LHX8: variants seen among roughly 807,000 people sequenced by gnomAD.
LHX8 encodes LIM homeobox 8.
LHX8 carries 12 observed loss-of-function variants against 40.3 expected under a neutral mutation model. The observed-to-expected ratio is 0.30, with a 90% CI of 0.19 to 0.48. The LOEUF is 0.48. Among genes scored for constraint, LHX8 ranks in the 20% least tolerant of loss-of-function variants. The probability of loss-of-function intolerance (pLI) is 0.99; values close to 1 mark genes in which losing one functional copy is unlikely to be tolerated. For missense variants in LHX8, 344 were observed against 433.7 expected (o/e 0.79, Z 1.84); for synonymous variants, 179 against 162.0 (o/e 1.10, Z -0.80).
downstream of LHX8, among the ~76,000 whole-genome samples, chr1:75,162,593 C>A (rs1426592080): frequency 2.6e-5 from 4 of 151,926 alleles, no homozygotes; most frequent in African/African-American, 7.3e-5. Context: ...AAAAATATAT[C>A]ACCACCCTTT....
chr1:75,195,780 C>G, the LHX8 span, among the ~76,000 whole-genome samples: 1 of 152,128 alleles, frequency 6.6e-6, no homozygotes, highest in Non-Finnish European at 1.5e-5. Flanking sequence ...CCCTTTCTCT[C>G]TCCCTCCATC....
the LHX8 span, among the ~76,000 whole-genome samples, chr1:75,179,503 T>TG: frequency 4.5e-5 from 2 of 44,336 alleles, no homozygotes; most frequent in Non-Finnish European, 9.4e-5. Context: ...ACCCCTGTTG[T>TG]TTTTTTTTTT....
chr1:75,130,717 G>A, upstream of LHX8: 5 of 1,614,118 alleles, frequency 3.1e-6, no homozygotes, highest in Non-Finnish European at 3.4e-6. Context: ...GAGGGGTTAT[G>A]CAGATTCTGA....
chr1:75,173,410 A>C, the LHX8 span, among the ~76,000 whole-genome samples: 2 of 124,818 alleles, frequency 1.6e-5, no homozygotes, highest in Non-Finnish European at 3.2e-5. Context: ...TTGAGACGGA[A>C]TCTCGTTCTG....
the LHX8 span, among the ~76,000 whole-genome samples, chr1:75,170,681 G>T: frequency 6.6e-6 from 1 of 152,128 alleles, no homozygotes. Context: ...ATTAGAAATG[G>T]TCAGTCTCAG....
downstream of LHX8, among the ~76,000 whole-genome samples, chr1:75,166,433 G>T (rs1649038539): frequency 6.6e-6 from 1 of 152,068 alleles, no homozygotes; most frequent in Non-Finnish European, 1.5e-5. Context: ...TAAACCCAAA[G>T]GAATTATGAT....
chr1:75,198,570 G>T, the LHX8 span, among the ~76,000 whole-genome samples: 2 of 151,370 alleles, frequency 1.3e-5, no homozygotes, highest in African/African-American at 2.4e-5. Context: ...ACAGGGTGAC[G>T]TTGGAAAGCT....
the LHX8 span, among the ~76,000 whole-genome samples, chr1:75,169,476 G>C: frequency 6.6e-6 from 1 of 152,142 alleles, no homozygotes; most frequent in African/African-American, 2.4e-5. Context: ...ACTGAAGTGA[G>C]GTGTGAATGA....
the LHX8 span, among the ~76,000 whole-genome samples, chr1:75,175,388 T>A: frequency 7.0e-4 from 106 of 152,306 alleles, no homozygotes; most frequent in African/African-American, 2.5e-3. Flanking sequence ...TCCATACTGT[T>A]TTCCATAGTG....
chr1:75,187,244 G>A, the LHX8 span, among the ~76,000 whole-genome samples: 1 of 152,066 alleles, frequency 6.6e-6, no homozygotes, highest in Non-Finnish European at 1.5e-5. Flanking sequence ...TGCAAAACTT[G>A]GCCCCAGTAA....
chr1:75,156,231 GTTGTT>G (rs915408822), intron 7 of LHX8, among the ~76,000 whole-genome samples: 13 of 62,294 alleles, frequency 2.1e-4, no homozygotes, highest in Middle Eastern at 8.8e-3. Context: ...TGTTGTTGTT[GTTGTT>G]TTGTTTTGTT....
chr1:75,134,372 G>T (rs1240861001), upstream of LHX8, among the ~76,000 whole-genome samples: 1 of 151,646 alleles, frequency 6.6e-6, no homozygotes, highest in Non-Finnish European at 1.5e-5. Context: ...TTCCTGGAGG[G>T]ACTCAGGAAA....
intron 1 of LHX8, among the ~76,000 whole-genome samples, chr1:75,129,204 AT>A (rs1647899367): frequency 6.6e-6 from 1 of 152,160 alleles, no homozygotes; most frequent in African/African-American, 2.4e-5. Context: ...TCCATTACAT[AT>A]TTTACTAACT....
the LHX8 span, among the ~76,000 whole-genome samples, chr1:75,171,807 T>C: frequency 2.0e-5 from 3 of 152,164 alleles, no homozygotes; most frequent in African/African-American, 7.2e-5. Context: ...GAAGGAATGA[T>C]AAACAGGGTA....
chr1:75,186,261 C>T, the LHX8 span, among the ~76,000 whole-genome samples: 1 of 152,254 alleles, frequency 6.6e-6, no homozygotes, highest in African/African-American at 2.4e-5. Flanking sequence ...AAGAGCAAAG[C>T]TGGAGATATC....
At chr1:75,141,369 CAG>C (rs143287021) in intron 4 of LHX8, among the ~76,000 whole-genome samples, 1,883 of 152,142 alleles carry the variant, frequency 0.012, 30 homozygotes, top group African/African-American at 0.038. Flanking sequence ...GCATTACAAA[CAG>C]GGAATCTTTT....
chr1:75,172,553 T>C, the LHX8 span, among the ~76,000 whole-genome samples: 1 of 152,232 alleles, frequency 6.6e-6, no homozygotes, highest in Non-Finnish European at 1.5e-5. Context: ...ATTCTGGGTA[T>C]GAAATTCACA....
chr1:75,130,876 G>A (rs1345834411), upstream of LHX8: 8 of 843,130 alleles, frequency 9.5e-6, no homozygotes, highest in Admixed American at 5.6e-5. Flanking sequence ...CAGTTTCAGA[G>A]TGGTTTTAGC....
the LHX8 span, among the ~76,000 whole-genome samples, chr1:75,168,928 A>G: frequency 7.2e-5 from 11 of 152,334 alleles, no homozygotes; most frequent in Admixed American, 5.9e-4. Context: ...CACCTGGACT[A>G]TTAAAATACC....
Sources: gnomAD v4.1 joint callset for allele counts (sites outside exome capture counted in the v4.1 genomes callset) on GRCh38, gnomAD v4.1.1 for gene constraint, MANE v1.5 for transcripts, NCBI Gene and HGNC (gene_info 2026-07-23, HGNC 2026-07-21) for gene names.